The following TBC1D8B variants were observed in gnomAD, a reference collection of about 807,000 sequenced individuals.
The protein encoded by TBC1D8B is RP11-321G1.1.
Under a neutral mutation model 82.9 loss-of-function variants are expected in TBC1D8B, and 75 were observed. The observed-to-expected ratio is 0.90, with a 90% CI of 0.75 to 1.10. The LOEUF is 1.10. TBC1D8B is among the 50% of genes least tolerant of loss of function. The probability of loss-of-function intolerance (pLI) is 0.00; values close to 1 mark genes in which losing one functional copy is unlikely to be tolerated. For synonymous variants in TBC1D8B, 276 were observed against 276.8 expected (o/e 1.00, Z 0.03); for missense variants, 794 against 796.9 (o/e 1.00, Z 0.04).
At chrX:106,814,192 A>AT (rs931158141) in intron 1 of TBC1D8B, 1 of 111,415 alleles carries the variant, frequency 9.0e-6, no homozygotes, top group East Asian at 2.8e-4. Context: ...TGAACTCATC[A>AT]TTTTTTATGG....
chrX:106,840,630 A>C (rs769743630), intron 9 of TBC1D8B, 40 bp from the exon 10 acceptor site: 1 of 1,107,535 alleles, frequency 9.0e-7, no homozygotes, highest in East Asian at 3.0e-5. Context: ...GCTTCATTAT[A>C]TCCACCTTCT....
chrX:106,809,884 C>T (rs867644497), intron 1 of TBC1D8B, among the ~76,000 whole-genome samples: 1 of 36,795 alleles, frequency 2.7e-5, no homozygotes, highest in Admixed American at 3.3e-4. Context: ...GACTCCGTCT[C>T]AAAAAAAAAA....
intron 14 of TBC1D8B, among the ~76,000 whole-genome samples, chrX:106,860,340 G>GAT (rs1932761638): frequency 1.2e-5 from 1 of 82,787 alleles, no homozygotes; most frequent in African/African-American, 4.3e-5. Context: ...TTTTATGATT[G>GAT]GTGTGTGTGT....
chrX:106,839,483 A>G (rs1233399730), intron 8 of TBC1D8B, 26 bp downstream of exon 8: 1 of 1,103,535 alleles, frequency 9.1e-7, no homozygotes, highest in Admixed American at 3.0e-5. Context: ...ATTTAAACCT[A>G]TGGGCTGAAA....
intron 3 of TBC1D8B, 139 bp from the exon 4 acceptor site, chrX:106,821,838 G>A: frequency 1.9e-6 from 1 of 515,091 alleles, no homozygotes; most frequent in East Asian, 3.8e-5. Flanking sequence ...TCAATCCCTG[G>A]TTGGTTGAAT....
intron 20 of TBC1D8B, among the ~76,000 whole-genome samples, chrX:106,871,702 T>C (rs1347711193): frequency 8.9e-6 from 1 of 112,130 alleles, no homozygotes; most frequent in South Asian, 3.7e-4. Flanking sequence ...CAGTAACAAG[T>C]CTGAGCCTCC....
rs1932881028 is a variant in TBC1D8B at position 106,875,386 on chromosome X, G to A, written c.*1421G>A. On this transcript the variant is annotated 3_prime_UTR_variant, in exon 21 of 21. Transcript: ENST00000357242. ...CCACTGTGAACAAAGCTTAACACAT[G>A]GGGCTTCATCGCTCATAGAATATGT... The A allele has an allele frequency of 8.9e-6, 1 of 111,803 alleles. No homozygotes were observed. 9.2% of individuals were successfully genotyped at this position (111,803 alleles called of 1,213,427 possible). A position where few individuals can be genotyped will look rare whatever the true frequency, so the allele number is the denominator to read the frequency against.
intron 10 of TBC1D8B, among the ~76,000 whole-genome samples, chrX:106,846,095 C>CTTTTT (rs763406306): frequency 5.5e-5 from 4 of 72,225 alleles, no homozygotes; most frequent in African/African-American, 5.9e-5. Context: ...CTCTCTCTCT[C>CTTTTT]TTTTTTTTTT....
chrX:106,840,230 A>G, intron 9 of TBC1D8B, 32 bp downstream of exon 9: 2 of 1,162,491 alleles, frequency 1.7e-6, no homozygotes, highest in Non-Finnish European at 2.3e-6. Flanking sequence ...TTTATTTAAT[A>G]GACATTAACT....
chrX:106,874,010 G>T lies in TBC1D8B; in HGVS notation c.*45G>T. The T allele has an allele frequency of 3.5e-6, 4 of 1,127,814 alleles. No homozygotes were observed. The highest frequency in any genetic ancestry group is 4.7e-6 in the Non-Finnish European group (4 of 850,165). The allele number at this position is 1,127,814 out of a possible 1,213,427, so 92.9% of individuals were successfully genotyped here. A position where few individuals can be genotyped will look rare whatever the true frequency, so the allele number is the denominator to read the frequency against. On this transcript the variant is annotated 3_prime_UTR_variant, in exon 21 of 21. Transcript: ENST00000357242. ...CATAGACAAGTTTACTAACATTCCT[G>T]TAGCTGTCAGTTTGATTCCTGTGAG...
chrX:106,834,395 T>C (rs1932119519), intron 7 of TBC1D8B, among the ~76,000 whole-genome samples: 1 of 111,181 alleles, frequency 9.0e-6, no homozygotes, highest in Admixed American at 9.6e-5. Flanking sequence ...GTCCTGCCCT[T>C]GACACGTGGG....
intron 10 of TBC1D8B, among the ~76,000 whole-genome samples, chrX:106,846,579 C>T (rs761342842): frequency 1.3e-4 from 15 of 111,352 alleles, no homozygotes; most frequent in South Asian, 7.5e-4. Context: ...AAGTTGATTC[C>T]GATGACTTTT....
At chrX:106,823,929 C>T in intron 5 of TBC1D8B, among the ~76,000 whole-genome samples, 1 of 111,463 alleles carries the variant, frequency 9.0e-6, no homozygotes, top group Non-Finnish European at 1.9e-5. Context: ...AGTAGAACAA[C>T]CCTTAGACAA....
At chrX:106,835,859 C>T (rs1195097292) in intron 7 of TBC1D8B, among the ~76,000 whole-genome samples, 1 of 111,533 alleles carries the variant, frequency 9.0e-6, no homozygotes. Context: ...TATAGAAGTC[C>T]ATTGTCCATA....
intron 14 of TBC1D8B, among the ~76,000 whole-genome samples, chrX:106,863,587 G>C (rs1413016832): frequency 9.0e-6 from 1 of 111,504 alleles, no homozygotes; most frequent in Non-Finnish European, 1.9e-5. Flanking sequence ...CGCCCAACTG[G>C]GAGCTGCGGG....
chrX:106,841,783 A>G (rs1048112714), intron 10 of TBC1D8B, among the ~76,000 whole-genome samples: 5 of 112,090 alleles, frequency 4.5e-5, no homozygotes, highest in African/African-American at 6.5e-5. Flanking sequence ...TGTCATTTTC[A>G]AAACAAACCT....
At chrX:106,830,413 C>A (rs1354755331) in intron 7 of TBC1D8B, among the ~76,000 whole-genome samples, 8 of 111,288 alleles carry the variant, frequency 7.2e-5, no homozygotes, top group African/African-American at 1.3e-4. Flanking sequence ...TAGAACTAGT[C>A]ATACCATTTG....
At chrX:106,841,612 A>G (rs1221233595) in intron 10 of TBC1D8B, among the ~76,000 whole-genome samples, 1 of 111,818 alleles carries the variant, frequency 8.9e-6, no homozygotes, top group African/African-American at 3.2e-5. Context: ...CACACAATCA[A>G]TTAGGATAGG....
At position 106,818,655 on chromosome X, in the gene TBC1D8B, T is replaced by C; in HGVS notation, c.131-8T>C. Reference sequence around the variant, plus strand: ...GTCCTTATTTCAACAATCTTTCTATTACAACAGGGCTTCTGGTTGGGACTC... The same window carrying C: ...GTCCTTATTTCAACAATCTTTCTATCACAACAGGGCTTCTGGTTGGGACTC... On this transcript the variant is annotated splice_polypyrimidine_tract_variant and splice_region_variant and intron_variant, in intron 1 of 20. Coordinates refer to ENST00000357242, the MANE Select transcript of TBC1D8B (RefSeq NM_017752.3). 1 of 1,178,377 alleles carries C rather than the reference T, an allele frequency of 8.5e-7. No individual in the cohort carries two copies. The highest frequency in any genetic ancestry group is 1.9e-5 in the South Asian group (1 of 52,203).
Sources: allele counts gnomAD v4.1 joint callset (sites outside exome capture counted in the v4.1 genomes callset), GRCh38; gene constraint gnomAD v4.1.1; transcripts MANE v1.5; gene names NCBI Gene and HGNC (gene_info 2026-07-23, HGNC 2026-07-21).